Variants in HS3ST3B1 observed in about 807,000 individuals in gnomAD.
HS3ST3B1 encodes heparan sulfate glucosamine 3-O-sulfotransferase 3B1.
A neutral mutation model predicts 21.3 loss-of-function variants in HS3ST3B1; 13 were observed. The ratio of observed to expected loss-of-function variants is 0.61; its 90% CI spans 0.40 to 0.97. The LOEUF is 0.97. Ranked by LOEUF, HS3ST3B1 falls within the 50% of genes least tolerant of loss-of-function variation. HS3ST3B1 has a pLI of 0.00. For synonymous variants in HS3ST3B1, 234 were observed against 254.8 expected (o/e 0.92, Z 0.78); for missense variants, 459 against 554.8 (o/e 0.83, Z 1.73).
At position 14,301,354 on chromosome 17, in the gene HS3ST3B1, A is replaced by C; in HGVS notation, c.-165A>C. Reference sequence around the variant, plus strand: ...CGCCGCCGCTACAGCTGCCGCCGCCACCTGGGGAAGAGCAGCAGCAGCAGC... The same window carrying C: ...CGCCGCCGCTACAGCTGCCGCCGCCCCCTGGGGAAGAGCAGCAGCAGCAGC... On this transcript the variant is annotated 5_prime_UTR_variant, in exon 1 of 2. Coordinates refer to ENST00000360954, the MANE Select transcript of HS3ST3B1 (RefSeq NM_006041.3). 1.8e-6 allele frequency: 1 copy of C among 543,486 alleles called. No homozygotes were observed. Among genetic ancestry groups the C allele is most frequent in the Non-Finnish European group, 3.0e-6 (1 of 338,008 alleles). 33.7% of individuals were successfully genotyped at this position (543,486 alleles called of 1,614,324 possible).
chr17:14,329,342 AAAGAAAGAAAG>A (rs1909913430), intron 1 of HS3ST3B1: 1 of 111,802 alleles, frequency 8.9e-6, no homozygotes, highest in African/African-American at 3.6e-5. Flanking sequence ...AGAAAGAAAG[AAAGAAAGAAAG>A]AAAGAAAGAA....
At chr17:14,342,661 A>G (rs1315063769) in intron 1 of HS3ST3B1, among the ~76,000 whole-genome samples, 1 of 152,200 alleles carries the variant, frequency 6.6e-6, no homozygotes, top group Non-Finnish European at 1.5e-5. Context: ...TTCCATGAAT[A>G]CGTATTGGTG....
rs534679731 is a variant in HS3ST3B1 at position 14,340,831 on chromosome 17, C to T, written c.555-4197C>T. Among the ~76,000 whole-genome samples the T allele has an allele frequency of 3.4e-4, 52 of 152,306 alleles. No individual in the cohort carries two copies. The South Asian group carries it at 7.3e-3, about 21-fold the overall frequency. On this transcript the variant is annotated intron_variant, in intron 1 of 1. Transcript: ENST00000360954. ...CTCCTGACCTCAAGTGAACCACCCA[C>T]CTCAGCCTCCTAAAGTGCTGGGATT...
At chr17:14,310,774 C>G (rs952672544) in intron 1 of HS3ST3B1, among the ~76,000 whole-genome samples, 6 of 152,228 alleles carry the variant, frequency 3.9e-5, no homozygotes, top group East Asian at 3.9e-4. Flanking sequence ...CGGGCTTGTC[C>G]CTGGTGCCCT....
At chr17:14,304,955 C>T (rs917769224) in intron 1 of HS3ST3B1, 3 of 152,176 alleles carry the variant, frequency 2.0e-5, no homozygotes, top group African/African-American at 7.2e-5. Context: ...TGCTAGTGGC[C>T]TAACCAGTAA....
intron 1 of HS3ST3B1, chr17:14,304,531 A>T (rs908873659): frequency 2.6e-5 from 4 of 152,228 alleles, no homozygotes; most frequent in African/African-American, 9.6e-5. Flanking sequence ...GTCCTTTTTA[A>T]CTTTAAACAG....
intron 1 of HS3ST3B1, among the ~76,000 whole-genome samples, chr17:14,302,405 C>T (rs1451583343): frequency 1.3e-5 from 2 of 152,174 alleles, no homozygotes; most frequent in Non-Finnish European, 2.9e-5. Flanking sequence ...CGACTCGAAT[C>T]GTATTTTATG....
chr17:14,312,279 T>C (rs2142328294), intron 1 of HS3ST3B1, among the ~76,000 whole-genome samples: 1 of 152,204 alleles, frequency 6.6e-6, no homozygotes, highest in Non-Finnish European at 1.5e-5. Context: ...TGTAGGTGGC[T>C]CTACCTCTTG....
intron 1 of HS3ST3B1, among the ~76,000 whole-genome samples, chr17:14,302,469 C>T (rs541648464): frequency 6.6e-6 from 1 of 152,278 alleles, no homozygotes; most frequent in East Asian, 1.9e-4. Flanking sequence ...ATGTTCTGAG[C>T]CCCTTTGGTC....
At position 14,345,508 on chromosome 17, in the gene HS3ST3B1, G is replaced by A. The variant is rs1597605836; in HGVS notation, c.1035G>A (p.Arg345=). 6.3e-7 allele frequency: 1 copy of A among 1,594,184 alleles called. No homozygotes were observed. Among genetic ancestry groups the A allele is most frequent in the African/African-American group, 1.4e-5 (1 of 74,028 alleles). Residue 345 remains arginine, a synonymous_variant, in exon 2 of 2, where the codon CGG becomes CGA. Transcript: ENST00000360954. The part of the protein sequence containing the change: ...PCLKKAEGSS[R]PHCLGKTKGR... ...TGAAGAAGGCGGAGGGCAGCAGCCG[G>A]CCCCATTGCCTGGGCAAGACCAAGG...
chr17:14,322,898 C>CTATTT (rs1567639646), intron 1 of HS3ST3B1, among the ~76,000 whole-genome samples: 1 of 94,586 alleles, frequency 1.1e-5, no homozygotes. Context: ...GTGTCTATGT[C>CTATTT]TTTTTTTTTT....
At chr17:14,321,596 A>G (rs1428591233) in intron 1 of HS3ST3B1, among the ~76,000 whole-genome samples, 1 of 152,206 alleles carries the variant, frequency 6.6e-6, no homozygotes, top group African/African-American at 2.4e-5. Context: ...GGTTTGTATC[A>G]CCAGCAGAGC....
intron 1 of HS3ST3B1, among the ~76,000 whole-genome samples, chr17:14,333,441 C>T (rs1910083431): frequency 6.6e-6 from 1 of 151,202 alleles, no homozygotes; most frequent in Non-Finnish European, 1.5e-5. Flanking sequence ...GCACTCCAGC[C>T]TGGGTGACCG....
intron 1 of HS3ST3B1, among the ~76,000 whole-genome samples, chr17:14,339,888 G>C (rs1910317209): frequency 6.6e-6 from 1 of 152,152 alleles, no homozygotes; most frequent in Non-Finnish European, 1.5e-5. Context: ...TGCCACTGTT[G>C]AGATCAGAGA....
At chr17:14,312,286 C>G (rs768214091) in intron 1 of HS3ST3B1, among the ~76,000 whole-genome samples, 3 of 152,200 alleles carry the variant, frequency 2.0e-5, no homozygotes, top group Middle Eastern at 3.4e-3. Flanking sequence ...GGCTCTACCT[C>G]TTGGACCTAA....
Position 14,345,763 on chromosome 17 carries a change from A to T in HS3ST3B1, c.*117A>T. On this transcript the variant is annotated 3_prime_UTR_variant, in exon 2 of 2. Transcript: ENST00000360954. ...TTTATTTTTAATTCATAAGCAATTA[A>T]TTCACTAAGCTGCCTAGCCACACTC... is the stretch of plus-strand genomic sequence containing the variant. The T allele has an allele frequency of 1.5e-6, 2 of 1,297,724 alleles. No individual in the cohort carries two copies. Among genetic ancestry groups the T allele is most frequent in the Non-Finnish European group, 2.1e-6 (2 of 965,742 alleles). The allele number at this position is 1,297,724 out of a possible 1,614,324, so 80.4% of individuals were successfully genotyped here. A position where few individuals can be genotyped will look rare whatever the true frequency, so the allele number is the denominator to read the frequency against.
intron 1 of HS3ST3B1, among the ~76,000 whole-genome samples, chr17:14,320,275 G>T (rs941272426): frequency 1.3e-5 from 2 of 152,158 alleles, no homozygotes; most frequent in African/African-American, 4.8e-5. Flanking sequence ...GGGATGGGGC[G>T]CTGCACTGGG....
chr17:14,337,332 A>ATTTTTTTTTTT, intron 1 of HS3ST3B1, among the ~76,000 whole-genome samples: 1 of 143,434 alleles, frequency 7.0e-6, no homozygotes, highest in African/African-American at 2.6e-5. Context: ...TCCTGATTGG[A>ATTTTTTTTTTT]TTTTTTTTTT....
chr17:14,302,385 TG>T (rs1378677479), intron 1 of HS3ST3B1, among the ~76,000 whole-genome samples: 1 of 152,180 alleles, frequency 6.6e-6, no homozygotes, highest in East Asian at 1.9e-4. Flanking sequence ...CCTCTAACCA[TG>T]GGGGTATCCG....
Sources: gnomAD v4.1 joint callset for allele counts (sites outside exome capture counted in the v4.1 genomes callset) on GRCh38, gnomAD v4.1.1 for gene constraint, MANE v1.5 for transcripts, NCBI Gene and HGNC (gene_info 2026-07-23, HGNC 2026-07-21) for gene names.